Variants in CALN1 observed in about 807,000 individuals in gnomAD.
The protein encoded by CALN1 is calcium-binding protein 8.
In CALN1, 17 loss-of-function variants were observed where a neutral mutation model predicts 30.6. The observed-to-expected ratio is 0.56, with a 90% CI of 0.38 to 0.83. The LOEUF is 0.83. Among genes scored for constraint, CALN1 ranks in the 40% least tolerant of loss-of-function variants. CALN1 has a pLI of 0.00. For missense variants in CALN1, 291 were observed against 354.9 expected, an observed-to-expected ratio of 0.82 and a Z score of 1.45; for synonymous variants, 156 against 131.4, an observed-to-expected ratio of 1.19 and a Z score of -1.28.
At chr7:72,067,400 G>C (rs1317922290) in intron 4 of CALN1, among the ~76,000 whole-genome samples, 1 of 151,816 alleles carries the variant, frequency 6.6e-6, no homozygotes, top group Non-Finnish European at 1.5e-5. Flanking sequence ...ATATTACCAT[G>C]CCCAGCCAAT....
At chr7:72,501,946 TATACACACATATATATATATAA>T in the CALN1 span, among the ~76,000 whole-genome samples, 8 of 52,438 alleles carry the variant, frequency 1.5e-4, no homozygotes, top group African/African-American at 6.6e-4. Flanking sequence ...TATATATATA[TATACACACATATATATATATAA>T]ATATATATAC....
chr7:71,979,483 G>T (rs1188667316), intron 5 of CALN1, among the ~76,000 whole-genome samples: 1 of 152,088 alleles, frequency 6.6e-6, no homozygotes, highest in Non-Finnish European at 1.5e-5. Flanking sequence ...TCACAATAGG[G>T]TTTATGCTTC....
At chr7:71,805,241 C>T (rs904948236) in intron 6 of CALN1, among the ~76,000 whole-genome samples, 10 of 152,070 alleles carry the variant, frequency 6.6e-5, no homozygotes, top group Admixed American at 5.2e-4. Context: ...TGGCAAAGAC[C>T]TTCCTAATTG....
At chr7:72,416,170 C>T (rs1807413022), upstream of CALN1, among the ~76,000 whole-genome samples, 1 of 152,224 alleles carries the variant, frequency 6.6e-6, no homozygotes, top group African/African-American at 2.4e-5. Flanking sequence ...GACACACCCA[C>T]CAGTGCCATG....
At chr7:72,392,150 T>C (rs1227973258) in intron 2 of CALN1, among the ~76,000 whole-genome samples, 1 of 152,172 alleles carries the variant, frequency 6.6e-6, no homozygotes, top group Non-Finnish European at 1.5e-5. Flanking sequence ...AAACCATATG[T>C]AGATGCTCCC....
At chr7:71,925,477 A>ATTTTTTGGGT (rs144375561) in intron 5 of CALN1, among the ~76,000 whole-genome samples, 27,624 of 135,052 alleles carry the variant, frequency 0.2, 2,763 homozygotes, top group Non-Finnish European at 0.24. Context: ...CCCCCCTCCT[A>ATTTTTTGGGT]TTTTTTGGGT....
chr7:72,415,307 T>C (rs1159546518), upstream of CALN1, among the ~76,000 whole-genome samples: 2 of 152,322 alleles, frequency 1.3e-5, no homozygotes, highest in East Asian at 3.9e-4. Context: ...ACCTGTATTT[T>C]CTCCTTCTTA....
rs537614026 is a variant in CALN1, at chr7:71,978,175, T to C, written c.501+45482A>G. 4.6e-5 allele frequency among the ~76,000 whole-genome samples: 7 copies of C among 150,878 alleles called. No individual in the cohort carries two copies. The Admixed American group carries it at 4.6e-4, about 10-fold the overall frequency. On this transcript the variant is annotated intron_variant, in intron 5 of 6. Transcript: ENST00000395275. ...AAACCCTCAAACAAGTCAGCTTCTA[T>C]GCCTAAGGATCGTCCAACCAGATGC...
At chr7:72,047,499 G>A (rs752116929) in intron 4 of CALN1, among the ~76,000 whole-genome samples, 1 of 152,154 alleles carries the variant, frequency 6.6e-6, no homozygotes, top group Non-Finnish European at 1.5e-5. Context: ...TGAGGCAAGA[G>A]GATTGCTTGA....
At chr7:72,119,914 G>A (rs896703410) in intron 3 of CALN1, among the ~76,000 whole-genome samples, 9 of 152,146 alleles carry the variant, frequency 5.9e-5, no homozygotes, top group Non-Finnish European at 1.3e-4. Context: ...AATCATATGA[G>A]ATATGCTACA....
intron 3 of CALN1, among the ~76,000 whole-genome samples, chr7:72,172,649 A>G (rs1039198347): frequency 1.2e-4 from 19 of 152,260 alleles, no homozygotes; most frequent in African/African-American, 4.3e-4. Flanking sequence ...ATTTCTTTAA[A>G]AAGAGATAAT....
In CALN1 at chr7:72,040,321, A is replaced by G. The variant is rs7810798; in HGVS notation, c.389-16552T>C. Among the ~76,000 whole-genome samples, 630 of 136,358 alleles carry G rather than the reference A, an allele frequency of 4.6e-3. 5 individuals are homozygous for G. Among genetic ancestry groups the G allele is most frequent in the African/African-American group, 0.016 (598 of 36,516 alleles). The allele number at this position is 136,358 out of a possible 152,430, so 89.5% of individuals were successfully genotyped here. On this transcript the variant is annotated intron_variant, in intron 4 of 6. Transcript: ENST00000395275. The stretch of plus-strand genomic sequence containing the variant: ...GAGAGCTCATCCTTACAAAAATTAC[A>G]ATAAAAAAAAAAAAATAGCCAGCTG...
At chr7:72,031,882 C>T (rs1272609722) in intron 4 of CALN1, among the ~76,000 whole-genome samples, 4 of 151,712 alleles carry the variant, frequency 2.6e-5, no homozygotes, top group African/African-American at 9.7e-5. Flanking sequence ...GCTGTGATTA[C>T]AGGCACCCAC....
chr7:71,845,355 G>T (rs1406632812), intron 5 of CALN1, among the ~76,000 whole-genome samples: 3 of 152,186 alleles, frequency 2.0e-5, no homozygotes, highest in South Asian at 4.1e-4. Flanking sequence ...TGAGGAGGAG[G>T]CCTAGGCAGG....
chr7:72,276,513 T>C (rs760573458), intron 3 of CALN1, among the ~76,000 whole-genome samples: 6 of 152,120 alleles, frequency 3.9e-5, no homozygotes, highest in Non-Finnish European at 8.8e-5. Flanking sequence ...GAATGTCCCT[T>C]CCAAACCTCA....
intron 2 of CALN1, among the ~76,000 whole-genome samples, chr7:72,381,490 G>C (rs575861532): frequency 6.6e-6 from 1 of 152,178 alleles, no homozygotes; most frequent in Non-Finnish European, 1.5e-5. Flanking sequence ...TATATACCAC[G>C]AATACTATGC....
chr7:72,174,306 C>T (rs375229022), intron 3 of CALN1, among the ~76,000 whole-genome samples: 5 of 152,252 alleles, frequency 3.3e-5, no homozygotes, highest in African/African-American at 1.2e-4. Context: ...AGTACAACTA[C>T]TTTGAAACAC....
At chr7:72,056,091 C>G (rs937400997) in intron 4 of CALN1, among the ~76,000 whole-genome samples, 1 of 152,152 alleles carries the variant, frequency 6.6e-6, no homozygotes, top group African/African-American at 2.4e-5. Flanking sequence ...ATTTTTAAAG[C>G]CTTTAAAAGA....
In CALN1 at chr7:72,189,746, C is replaced by T. The variant is rs376999417; in HGVS notation, c.245-83452G>A. ...TCCTGCCACTGCACTCTAGCCTAGG[C>T]GACAGCGCCAGACTTTGTCTCAAAA... On this transcript the variant is annotated intron_variant, in intron 3 of 6. Transcript: ENST00000395275. Among the ~76,000 whole-genome samples the T allele has an allele frequency of 1.5e-4, 21 of 142,188 alleles. No homozygotes were observed. In the South Asian group the frequency reaches 4.0e-3, roughly 27 times the overall value. The allele number at this position is 142,188 out of a possible 152,430, so 93.3% of individuals were successfully genotyped here.
Sources: gnomAD v4.1 joint callset for allele counts (sites outside exome capture counted in the v4.1 genomes callset) on GRCh38, gnomAD v4.1.1 for gene constraint, MANE v1.5 for transcripts, NCBI Gene and HGNC (gene_info 2026-07-23, HGNC 2026-07-21) for gene names.